POLR1A: variants seen among roughly 807,000 people sequenced by gnomAD.
POLR1A encodes the protein DNA-directed RNA polymerase I subunit RPA1.
Under a neutral mutation model 205.3 loss-of-function variants are expected in POLR1A, and 84 were observed. The ratio of observed to expected loss-of-function variants is 0.41; its 90% CI spans 0.34 to 0.49. POLR1A has a LOEUF of 0.49. Ranked by LOEUF, POLR1A falls within the 20% of genes least tolerant of loss-of-function variation. The pLI, the probability that POLR1A is intolerant of heterozygous loss-of-function variation, is 0.22. For synonymous variants in POLR1A, 799 were observed against 863.7 expected, an observed-to-expected ratio of 0.93 and a Z score of 1.31; for missense variants, 1,645 against 2,204.5, an observed-to-expected ratio of 0.75 and a Z score of 5.08.
intron 3 of POLR1A, among the ~76,000 whole-genome samples, chr2:86,097,539 C>G (rs1468061529): frequency 1.3e-5 from 2 of 152,142 alleles, no homozygotes; most frequent in African/African-American, 4.8e-5. Flanking sequence ...GGTATATATA[C>G]ATAATGGAAT....
In POLR1A at chr2:86,020,723, G is replaced by C. The variant is rs1434872003; in HGVS notation, c.*6700C>G. 3 of 152,180 alleles carry C rather than the reference G, an allele frequency of 2.0e-5. No individual in the cohort carries two copies. The highest frequency in any genetic ancestry group is 7.2e-5 in the African/African-American group (3 of 41,434). The allele number at this position is 152,180 out of a possible 1,614,324, so 9.4% of individuals were successfully genotyped here. A position where few individuals can be genotyped will look rare whatever the true frequency, so the allele number is the denominator to read the frequency against. Reference sequence around the variant, plus strand: ...GGGCTGGACAATTCTTTGCTGTGGAGACTGTCCTGTGGACTGTAGTTTAGC... The same window carrying C: ...GGGCTGGACAATTCTTTGCTGTGGACACTGTCCTGTGGACTGTAGTTTAGC... On this transcript the variant is annotated 3_prime_UTR_variant, in exon 34 of 34. Transcript: ENST00000263857.
At chr2:86,105,422 G>C (rs1344827411) in intron 1 of POLR1A, among the ~76,000 whole-genome samples, 1 of 152,114 alleles carries the variant, frequency 6.6e-6, no homozygotes, top group Non-Finnish European at 1.5e-5. Flanking sequence ...GTTAGTTAAC[G>C]AGGAGACTGG....
Position 86,088,792 on chromosome 2 carries a change from G to A in POLR1A, c.619C>T (p.His207Tyr). ...AAGGGCCCTGATACTTACTTGCAGT[G>A]GGGACAGCGCTTAGCATTCATATGT... ...KAHMNAKRCP[H>Y]CKTGRSVVRK... The change falls in exon 5 of 34, where the codon CAC becomes TAC. Residue 207 changes from histidine to tyrosine, a missense_variant. This residue lies in a region of POLR1A where 330 missense variants were observed against 375.6 expected (regional missense o/e 0.88). Coordinates refer to ENST00000263857, the MANE Select transcript of POLR1A (RefSeq NM_015425.6). 1 of 1,613,346 alleles carries A rather than the reference G, an allele frequency of 6.2e-7. No homozygotes were observed. Among genetic ancestry groups the A allele is most frequent in the South Asian group, 1.1e-5 (1 of 91,052 alleles).
chr2:86,097,741 G>A (rs1673732747), intron 3 of POLR1A, among the ~76,000 whole-genome samples: 1 of 152,160 alleles, frequency 6.6e-6, no homozygotes, highest in Non-Finnish European at 1.5e-5. Flanking sequence ...GCTGAGTAGG[G>A]TAGGGAAAGG....
At chr2:86,083,998 T>C in intron 6 of POLR1A, among the ~76,000 whole-genome samples, 1 of 152,114 alleles carries the variant, frequency 6.6e-6, no homozygotes. Context: ...AAGTAGTGTG[T>C]CTTTCAGGTT....
chr2:86,078,735 G>C (rs1299624605), intron 9 of POLR1A, among the ~76,000 whole-genome samples: 1 of 152,094 alleles, frequency 6.6e-6, no homozygotes, highest in African/African-American at 2.4e-5. Context: ...ACATGCAGGT[G>C]GAACAATTTC....
Position 86,027,895 on chromosome 2 carries a change from G to A in POLR1A, c.5052C>T (p.Ala1684=). 1.2e-6 allele frequency: 2 copies of A among 1,614,244 alleles called. No individual in the cohort carries two copies. The highest frequency in any genetic ancestry group is 8.5e-7 in the Non-Finnish European group (1 of 1,180,042). The part of the protein sequence containing the change: ...FETSFQFLKQ[A]TMLGSHDELR... ...TGCCCACGCACTAACCCAGCATGGT[G>A]GCTTGCTTCAGAAACTGGAAGCTGG... Residue 1684 remains alanine (A), a synonymous_variant, in exon 33 of 34, where the codon GCC becomes GCT. Coordinates refer to ENST00000263857, the MANE Select transcript of POLR1A (RefSeq NM_015425.6).
intron 3 of POLR1A, among the ~76,000 whole-genome samples, chr2:86,091,564 A>G (rs1673608570): frequency 6.6e-6 from 1 of 152,220 alleles, no homozygotes; most frequent in South Asian, 2.1e-4. Flanking sequence ...GTTACTTTGT[A>G]TTGGACTGTA....
chr2:86,095,404 T>C lies in POLR1A; in HGVS notation c.432+3207A>G, dbSNP rs955740134. On this transcript the variant is annotated intron_variant, in intron 3 of 33. Coordinates refer to ENST00000263857, the MANE Select transcript of POLR1A (RefSeq NM_015425.6). Reference sequence around the variant, plus strand: ...GAACAAAAAGGCCAGTATTTGCAGATAGGATTGTATTGAAAATCTAAAAAT... The same window carrying C: ...GAACAAAAAGGCCAGTATTTGCAGACAGGATTGTATTGAAAATCTAAAAAT... Among the ~76,000 whole-genome samples the C allele has an allele frequency of 8.5e-5, 13 of 152,240 alleles. No individual in the cohort carries two copies. The East Asian group carries it at 2.5e-3, about 29-fold the overall frequency.
chr2:86,070,254 T>C lies in POLR1A; in HGVS notation c.1630A>G (p.Asn544Asp), dbSNP rs1235847348. 1.2e-6 allele frequency: 2 copies of C among 1,611,192 alleles called. No homozygotes were observed. The highest frequency in any genetic ancestry group is 2.7e-5 in the African/African-American group (2 of 74,992). ...GTKIVCRHVK[N>D]GDILLLNRQP... ...CGGTTCAGTAGCAGAATGTCCCCATTCTTCACATGCCGGCACACCTGGGAA... is the reference window on the plus strand; with the variant it reads ...CGGTTCAGTAGCAGAATGTCCCCATCCTTCACATGCCGGCACACCTGGGAA... The change falls in exon 13 of 34, where the codon AAT becomes GAT. Residue 544 changes from asparagine (N) to aspartate (D), a missense_variant. Asn to Asp is a conservative substitution (Grantham distance 23, BLOSUM62 1). Coordinates refer to ENST00000263857, the MANE Select transcript of POLR1A (RefSeq NM_015425.6). The surrounding 1 kb of genome is among the most constrained non-coding windows in gnomAD (Gnocchi z 4.4).
chr2:86,055,600 C>T (rs1306579836), intron 14 of POLR1A, among the ~76,000 whole-genome samples: 1 of 152,122 alleles, frequency 6.6e-6, no homozygotes, highest in Non-Finnish European at 1.5e-5. Flanking sequence ...GTGGGGACCC[C>T]CAGGCTAGGC....
Position 86,027,189 on chromosome 2 carries a change from G to T in POLR1A, c.*234C>A. 1 of 575,608 alleles carries T rather than the reference G, an allele frequency of 1.7e-6. No individual in the cohort carries two copies. The highest frequency in any genetic ancestry group is 3.1e-6 in the Non-Finnish European group (1 of 321,770). The allele number at this position is 575,608 out of a possible 1,614,324, so 35.7% of individuals were successfully genotyped here. ...GGACTCAGAAGACTTGGTAAACCTT[G>T]ATAAAAATCCAGAGACAGGGAGGGG... On this transcript the variant is annotated 3_prime_UTR_variant, in exon 34 of 34. Coordinates refer to ENST00000263857, the MANE Select transcript of POLR1A (RefSeq NM_015425.6).
chr2:86,078,253 G>T lies in POLR1A; in HGVS notation c.1118C>A (p.Ser373Tyr). ...CTGGCCTGGAAGTGTACTCAAAAAG[G>T]ATCGGTCAATAGCAATCAAAGAGTC... ...EKDSLIAIDRSFLSTLPGQSL... is the reference protein window; with the variant it reads ...EKDSLIAIDRYFLSTLPGQSL... The change falls in exon 10 of 34, where the codon TCC becomes TAC. Residue 373 changes from serine to tyrosine, a missense_variant. This residue lies in a region of POLR1A where 78 missense variants were observed against 77.7 expected (regional missense o/e 1.00). Coordinates refer to ENST00000263857, the MANE Select transcript of POLR1A (RefSeq NM_015425.6). 6.3e-7 allele frequency: 1 copy of T among 1,598,418 alleles called. No individual in the cohort carries two copies. The highest frequency in any genetic ancestry group is 8.5e-7 in the Non-Finnish European group (1 of 1,176,170).
intron 7 of POLR1A, among the ~76,000 whole-genome samples, chr2:86,082,825 G>A (rs558765830): frequency 2.0e-5 from 3 of 152,296 alleles, no homozygotes; most frequent in Admixed American, 6.5e-5. Flanking sequence ...CCTGTATTAA[G>A]TGAGGCCCAC....
chr2:86,039,389 T>G lies in POLR1A; in HGVS notation c.3814A>C (p.Lys1272Gln). The G allele has an allele frequency of 1.2e-6, 2 of 1,614,166 alleles. No individual in the cohort carries two copies. The highest frequency in any genetic ancestry group is 1.7e-6 in the Non-Finnish European group (2 of 1,180,018). ...CTTTTCACTCTCTTCAGGGCTTTCT[T>G]GGTGTTGAGCACGGGCACGCTCATC... ...PMMSVPVLNT[K>Q]KALKRVKSLK... The change falls in exon 26 of 34, where the codon AAG becomes CAG. Residue 1272 changes from lysine (K) to glutamine (Q), a missense_variant. Lys to Gln is a moderately conservative substitution (Grantham distance 53). Transcript: ENST00000263857.
At chr2:86,053,316 C>A (rs181410060) in intron 15 of POLR1A, among the ~76,000 whole-genome samples, 194 of 152,112 alleles carry the variant, frequency 1.3e-3, no homozygotes, top group African/African-American at 4.4e-3. Flanking sequence ...CTACTCCCCA[C>A]ACCCACCCAC....
At chr2:86,046,564 G>A (rs1238444123) in intron 19 of POLR1A, among the ~76,000 whole-genome samples, 2 of 152,062 alleles carry the variant, frequency 1.3e-5, no homozygotes, top group African/African-American at 4.8e-5. Flanking sequence ...TGAAAAGATC[G>A]GCCAGGTGCG....
At chr2:86,035,137 C>T (rs913432200) in intron 27 of POLR1A, among the ~76,000 whole-genome samples, 1 of 152,204 alleles carries the variant, frequency 6.6e-6, no homozygotes, top group Non-Finnish European at 1.5e-5. Flanking sequence ...TCCCAAAGTG[C>T]TGGAATTACA....
chr2:86,037,549 G>T (rs1672523053), intron 27 of POLR1A, among the ~76,000 whole-genome samples: 1 of 152,232 alleles, frequency 6.6e-6, no homozygotes, highest in South Asian at 2.1e-4. Context: ...ATGTGTTTGT[G>T]GGATGGCTGA....
Sources: gnomAD v4.1 joint callset for allele counts (sites outside exome capture counted in the v4.1 genomes callset) on GRCh38, gnomAD v4.1.1 for gene constraint, gnomAD v4.1.1 regional missense constraint, Gnocchi (gnomAD v3.1) non-coding constraint, MANE v1.5 for transcripts, NCBI Gene and HGNC (gene_info 2026-07-23, HGNC 2026-07-21) for gene names.